TRH: variants seen among roughly 807,000 people sequenced by gnomAD.
The protein encoded by TRH is thyrotropin releasing hormone, also known as TSH-releasing factor.
Under a neutral mutation model 5.2 loss-of-function variants are expected in TRH, and 5 were observed. The ratio of observed to expected loss-of-function variants is 0.95; its 90% CI spans 0.50 to 2.00. The LOEUF (loss-of-function observed/expected upper bound fraction) is 2.00, where lower values mean the gene tolerates loss of function less well. Among genes scored for constraint, TRH ranks in the 30% most tolerant of loss-of-function variants. The pLI is 0.01. For synonymous variants in TRH, 131 were observed against 128.6 expected (o/e 1.02, Z -0.13); for missense variants, 318 against 312.8 (o/e 1.02, Z -0.13).
rs2062540512 is a variant in TRH at position 129,975,901 on chromosome 3, G to GT, written c.85_86insT (p.Ala29ValfsTer16). The stretch of plus-strand genomic sequence containing the variant: ...CGGCGGCCGTGCTCAGCCAGAGGCG[G>GT]CCCAGCAGGAGGCAGTGACGGCCGC... On this transcript the variant is annotated frameshift_variant, in exon 2 of 3. Coordinates refer to ENST00000302649, the MANE Select transcript of TRH (RefSeq NM_007117.5). LOFTEE classifies it high-confidence loss of function. 7 of 1,613,274 alleles carry GT rather than the reference G, an allele frequency of 4.3e-6. No homozygotes were observed. Among genetic ancestry groups the GT allele is most frequent in the Non-Finnish European group, 5.1e-6 (6 of 1,179,858 alleles).
rs1422847506 is a variant in TRH at position 129,977,662 on chromosome 3, C to G, written c.*446C>G. 6.5e-6 allele frequency: 1 copy of G among 154,802 alleles called. No homozygotes were observed. Among genetic ancestry groups the G allele is most frequent in the East Asian group, 1.9e-4 (1 of 5,222 alleles). The allele number at this position is 154,802 out of a possible 1,614,324, so 9.6% of individuals were successfully genotyped here. ...CCCTCCCCAACCTGGCAGGATTCTCCATGTGTAAACTTCACCCCCAGGACC... is the reference window on the plus strand; with the variant it reads ...CCCTCCCCAACCTGGCAGGATTCTCGATGTGTAAACTTCACCCCCAGGACC... On this transcript the variant is annotated 3_prime_UTR_variant, in exon 3 of 3. Coordinates refer to ENST00000302649, the MANE Select transcript of TRH (RefSeq NM_007117.5).
Position 129,975,997 on chromosome 3 carries a change from C to T in TRH, c.181C>T (p.Arg61Trp), listed in dbSNP as rs905757771. 1.9e-6 allele frequency: 3 copies of T among 1,613,950 alleles called. No individual in the cohort carries two copies. The highest frequency in any genetic ancestry group is 2.7e-5 in the African/African-American group (2 of 74,916). ...RLLFLRENIQRLQGDQGEHSA... is the reference protein window; with the variant it reads ...RLLFLRENIQWLQGDQGEHSA... ...CCTCTTCCTCCGGGAAAACATCCAG[C>T]GGCTGCAAGGGGACCAGGGTGAGCA... The change falls in exon 2 of 3, where the codon CGG becomes TGG. Residue 61 changes from arginine to tryptophan, a missense_variant. Arg to Trp is a moderately radical substitution (Grantham distance 101). Coordinates refer to ENST00000302649, the MANE Select transcript of TRH (RefSeq NM_007117.5).
Position 129,976,869 on chromosome 3 carries a change from G to C in TRH, c.382G>C (p.Asp128His). 1.2e-6 allele frequency: 2 copies of C among 1,613,768 alleles called. No individual in the cohort carries two copies. The highest frequency in any genetic ancestry group is 1.7e-6 in the Non-Finnish European group (2 of 1,179,856). Residue 128 changes from aspartate (D) to histidine (H), a missense_variant, in exon 3 of 3, where the codon GAT becomes CAT. Asp to His is a moderately conservative substitution (Grantham distance 81, BLOSUM62 -1). Transcript: ENST00000302649. ...AGAAGATGAGGCTTCATGGTCAGTC[G>C]ATGTAACCCAGCACAAGCGGCAGCA... ...RREDEASWSV[D>H]VTQHKRQHPG...
intron 1 of TRH, among the ~76,000 whole-genome samples, chr3:129,975,408 G>A (rs1414530098): frequency 1.3e-5 from 2 of 152,160 alleles, no homozygotes; most frequent in African/African-American, 4.8e-5. Flanking sequence ...AGTCTTGGCG[G>A]GGACGCAACC....
rs772099471 is a variant in TRH at position 129,977,218 on chromosome 3, C to T, written c.*2C>T. The T allele has an allele frequency of 2.0e-6, 3 of 1,515,602 alleles. No individual in the cohort carries two copies. In the South Asian group the frequency reaches 4.1e-5, roughly 21 times the overall value. 93.9% of individuals were successfully genotyped at this position (1,515,602 alleles called of 1,614,324 possible). ...GTCAGAGAGCCCCTGGAGGAGTGAACCCAGTTTTCCCTGAAGTCGAGTTTG... is the reference window on the plus strand; with the variant it reads ...GTCAGAGAGCCCCTGGAGGAGTGAATCCAGTTTTCCCTGAAGTCGAGTTTG... On this transcript the variant is annotated 3_prime_UTR_variant, in exon 3 of 3. Transcript: ENST00000302649.
At position 129,976,825 on chromosome 3, in the gene TRH, G is replaced by A. The variant is rs373136437; in HGVS notation, c.338G>A (p.Arg113Gln). Reference protein sequence around the residue: ...EEGGAVGPHKRQHPGRREDEA... With the variant: ...EEGGAVGPHKQQHPGRREDEA... Reference sequence around the variant, plus strand: ...GGGGGGGCTGTGGGACCCCACAAACGGCAGCACCCTGGCCGACGAGAAGAT... The same window carrying A: ...GGGGGGGCTGTGGGACCCCACAAACAGCAGCACCCTGGCCGACGAGAAGAT... Residue 113 changes from arginine (R) to glutamine (Q), a missense_variant, in exon 3 of 3, where the codon CGG becomes CAG. By Grantham distance (43) the Arg-to-Gln change is conservative (BLOSUM62 1). Coordinates refer to ENST00000302649, the MANE Select transcript of TRH (RefSeq NM_007117.5). The A allele has an allele frequency of 1.4e-5, 23 of 1,613,864 alleles. No homozygotes were observed. The highest frequency in any genetic ancestry group is 4.5e-5 in the East Asian group (2 of 44,862).
intron 1 of TRH, among the ~76,000 whole-genome samples, chr3:129,975,306 A>G (rs1273784956): frequency 6.6e-6 from 1 of 152,234 alleles, no homozygotes; most frequent in Non-Finnish European, 1.5e-5. Context: ...TAGAACCTGA[A>G]TCTTAGCGAT....
intron 2 of TRH, 152 bp downstream of exon 2, chr3:129,976,179 GA>G: frequency 3.2e-6 from 3 of 924,522 alleles, no homozygotes; most frequent in Non-Finnish European, 4.9e-6. Context: ...GCGGGATCTG[GA>G]GTTGACCATT....
rs376821466 is a variant in TRH, at chr3:129,976,820, C to G, written c.333C>G (p.His111Gln). ...AAGAAGGGGGGGCTGTGGGACCCCA[C>G]AAACGGCAGCACCCTGGCCGACGAG... ...EEEEGGAVGP[H>Q]KRQHPGRRED... Residue 111 changes from histidine to glutamine, a missense_variant, in exon 3 of 3, where the codon CAC (histidine) becomes CAG (glutamine). Transcript: ENST00000302649. 1.2e-5 allele frequency: 20 copies of G among 1,613,886 alleles called. No homozygotes were observed. Among genetic ancestry groups the G allele is most frequent in the Admixed American group, 1.7e-5 (1 of 59,996 alleles).
chr3:129,976,025 C>A lies in TRH; in HGVS notation c.209C>A (p.Ser70Tyr). Residue 70 changes from serine to tyrosine, a missense_variant and splice_region_variant, in exon 2 of 3, where the codon TCC becomes TAC. Transcript: ENST00000302649. ...CTGCAAGGGGACCAGGGTGAGCACT[C>A]CGGTGAGTGGATGGGGCTGTTGGGG... The part of the protein sequence containing the change: ...QRLQGDQGEH[S>Y]ASQIFQSDWL... The A allele has an allele frequency of 3.7e-6, 6 of 1,613,786 alleles. No individual in the cohort carries two copies. Among genetic ancestry groups the A allele is most frequent in the Non-Finnish European group, 5.1e-6 (6 of 1,179,832 alleles).
chr3:129,974,988 G>C (rs1175595802), intron 1 of TRH, among the ~76,000 whole-genome samples, 165 bp downstream of exon 1: 1 of 152,170 alleles, frequency 6.6e-6, no homozygotes, highest in Non-Finnish European at 1.5e-5. Context: ...CCCGAGCGCA[G>C]GCCGGGGACC....
chr3:129,976,684 T>C lies in TRH; in HGVS notation c.212-15T>C. Reference sequence around the variant, plus strand: ...ATGGGTCAGGGGCCCCTCACTGACCTCTTTCCTTCCCCAGCGTCCCAGATC... The same window carrying C: ...ATGGGTCAGGGGCCCCTCACTGACCCCTTTCCTTCCCCAGCGTCCCAGATC... On this transcript the variant is annotated splice_polypyrimidine_tract_variant and intron_variant, in intron 2 of 2. Transcript: ENST00000302649. 6.2e-7 allele frequency: 1 copy of C among 1,605,636 alleles called. No homozygotes were observed. The highest frequency in any genetic ancestry group is 8.5e-7 in the Non-Finnish European group (1 of 1,174,978).
Position 129,976,685 on chromosome 3 carries a change from C to G in TRH, c.212-14C>G, listed in dbSNP as rs764622593. Reference sequence around the variant, plus strand: ...TGGGTCAGGGGCCCCTCACTGACCTCTTTCCTTCCCCAGCGTCCCAGATCT... The same window carrying G: ...TGGGTCAGGGGCCCCTCACTGACCTGTTTCCTTCCCCAGCGTCCCAGATCT... On this transcript the variant is annotated splice_polypyrimidine_tract_variant and intron_variant, in intron 2 of 2. Coordinates refer to ENST00000302649, the MANE Select transcript of TRH (RefSeq NM_007117.5). 1 of 1,606,414 alleles carries G rather than the reference C, an allele frequency of 6.2e-7. No homozygotes were observed. The highest frequency in any genetic ancestry group is 2.2e-5 in the East Asian group (1 of 44,752).
In TRH at chr3:129,976,007, G is replaced by T. The variant is rs1001423425; in HGVS notation, c.191G>T (p.Gly64Val). Reference sequence around the variant, plus strand: ...CGGGAAAACATCCAGCGGCTGCAAGGGGACCAGGGTGAGCACTCCGGTGAG... The same window carrying T: ...CGGGAAAACATCCAGCGGCTGCAAGTGGACCAGGGTGAGCACTCCGGTGAG... ...FLRENIQRLQ[G>V]DQGEHSASQI... Residue 64 changes from glycine (G) to valine (V), a missense_variant, in exon 2 of 3, where the codon GGG becomes GTG. Gly to Val is a moderately radical substitution (Grantham distance 109, BLOSUM62 -3). Coordinates refer to ENST00000302649, the MANE Select transcript of TRH (RefSeq NM_007117.5). 6.2e-7 allele frequency: 1 copy of T among 1,614,106 alleles called. No individual in the cohort carries two copies. The highest frequency in any genetic ancestry group is 1.1e-5 in the South Asian group (1 of 91,076).
chr3:129,975,853 A>C lies in TRH; in HGVS notation c.37A>C (p.Thr13Pro), dbSNP rs372137370. Residue 13 changes from threonine to proline, a missense_variant, in exon 2 of 3, where the codon ACC becomes CCC. Physicochemically the swap from Thr to Pro is conservative, Grantham distance 38. Coordinates refer to ENST00000302649, the MANE Select transcript of TRH (RefSeq NM_007117.5). ...TTGGTTGCTGCTCGCTCTGGCTTTG[A>C]CCCTGAACCTGACCGGTGTCCCCGG... is the stretch of plus-strand genomic sequence containing the variant. The part of the protein sequence containing the change: ...GPWLLLALAL[T>P]LNLTGVPGGR... 1 of 1,611,782 alleles carries C rather than the reference A, an allele frequency of 6.2e-7. No individual in the cohort carries two copies. Among genetic ancestry groups the C allele is most frequent in the Non-Finnish European group, 8.5e-7 (1 of 1,179,766 alleles).
Position 129,976,946 on chromosome 3 carries a change from C to T in TRH, c.459C>T (p.His153=). 1 of 1,613,296 alleles carries T rather than the reference C, an allele frequency of 6.2e-7. No individual in the cohort carries two copies. The highest frequency in any genetic ancestry group is 8.5e-7 in the Non-Finnish European group (1 of 1,179,808). The change falls in exon 3 of 3, where the codon CAC becomes CAT. Residue 153 remains histidine (H), a synonymous_variant. Coordinates refer to ENST00000302649, the MANE Select transcript of TRH (RefSeq NM_007117.5). ...CATATGCTGTCCCGAAGCGGCAGCA[C>T]CCAGGCAGAAGGCTGGCAGATCCCA... The part of the protein sequence containing the change: ...WLAYAVPKRQ[H]PGRRLADPKA...
Position 129,975,869 on chromosome 3 carries a change from G to T in TRH, c.53G>T (p.Gly18Val), listed in dbSNP as rs758087125. 8 of 1,612,740 alleles carry T rather than the reference G, an allele frequency of 5.0e-6. No individual in the cohort carries two copies. In the South Asian group the frequency reaches 7.7e-5, roughly 16 times the overall value. ...LALALTLNLT[G>V]VPGGRAQPEA... is the part of the protein sequence containing the mutation. The stretch of plus-strand genomic sequence containing the variant: ...CTGGCTTTGACCCTGAACCTGACCG[G>T]TGTCCCCGGCGGCCGTGCTCAGCCA... The change falls in exon 2 of 3, where the codon GGT becomes GTT. Residue 18 changes from glycine to valine, a missense_variant. Gly to Val is a moderately radical substitution (Grantham distance 109, BLOSUM62 -3). Transcript: ENST00000302649.
intron 1 of TRH, among the ~76,000 whole-genome samples, chr3:129,975,111 C>T (rs2062534917): frequency 6.6e-6 from 1 of 152,020 alleles, no homozygotes; most frequent in Non-Finnish European, 1.5e-5. Context: ...TGGGTGCCGC[C>T]GGACAGAGCT....
rs562162369 is a variant in TRH at position 129,976,437 on chromosome 3, T to C, written c.212-262T>C. On this transcript the variant is annotated intron_variant, in intron 2 of 2. Coordinates refer to ENST00000302649, the MANE Select transcript of TRH (RefSeq NM_007117.5). ...ATTACGATTTTACACAGAAGAAAAC[T>C]GAGGCTCCCAGAGATCAATTGAGTC... Among the ~76,000 whole-genome samples, 3 of 152,340 alleles carry C rather than the reference T, an allele frequency of 2.0e-5. No individual in the cohort carries two copies. The South Asian group carries it at 6.2e-4, about 32-fold the overall frequency.
Sources: allele counts gnomAD v4.1 joint callset (sites outside exome capture counted in the v4.1 genomes callset), GRCh38; gene constraint gnomAD v4.1.1; transcripts MANE v1.5; gene names NCBI Gene and HGNC (gene_info 2026-07-23, HGNC 2026-07-21).